Variants in CDKAL1 observed in about 807,000 individuals in gnomAD.
The protein encoded by CDKAL1 is CDKAL1 threonylcarbamoyladenosine tRNA methylthiotransferase, also known as threonylcarbamoyladenosine tRNA methylthiotransferase.
In CDKAL1, 32 loss-of-function variants were observed where a neutral mutation model predicts 68.2. The ratio of observed to expected loss-of-function variants is 0.47; its 90% CI spans 0.35 to 0.63. The LOEUF (loss-of-function observed/expected upper bound fraction) is 0.63, where lower values mean the gene tolerates loss of function less well. CDKAL1 is among the 30% of genes least tolerant of loss of function. The pLI, the probability that CDKAL1 is intolerant of heterozygous loss-of-function variation, is 0.00. For synonymous variants in CDKAL1, 234 were observed against 244.3 expected (o/e 0.96, Z 0.39); for missense variants, 606 against 696.7 (o/e 0.87, Z 1.47).
In CDKAL1 at chr6:21,164,677, A is replaced by T. The variant is rs549111772; in HGVS notation, c.1300-33344A>T. Among the ~76,000 whole-genome samples the T allele has an allele frequency of 2.0e-5, 3 of 152,284 alleles. No individual in the cohort carries two copies. The East Asian group carries it at 5.8e-4, about 29-fold the overall frequency. On this transcript the variant is annotated intron_variant, in intron 13 of 15. Coordinates refer to ENST00000274695, the MANE Select transcript of CDKAL1 (RefSeq NM_017774.3). ...GACTCAAAAATTCTCAGCATCAAAG[A>T]TGAGGTCAGAATGCCCCCTCATCTT...
intron 7 of CDKAL1, among the ~76,000 whole-genome samples, chr6:20,768,499 A>C (rs1406242873): frequency 6.6e-6 from 1 of 152,114 alleles, no homozygotes; most frequent in South Asian, 2.1e-4. Context: ...CCTCCTTCTT[A>C]CAAAATGAAG....
rs181658597 is a variant in CDKAL1, at chr6:21,074,913, G to A, written c.1236+9685G>A. 4.6e-5 allele frequency among the ~76,000 whole-genome samples: 7 copies of A among 151,904 alleles called. No individual in the cohort carries two copies. The East Asian group carries it at 1.2e-3, about 25-fold the overall frequency. On this transcript the variant is annotated intron_variant, in intron 12 of 15. Transcript: ENST00000274695. The stretch of plus-strand genomic sequence containing the variant: ...AGGTTTTAGTGCACCCATCATGTGA[G>A]TAGTGTACATTGTACCCAAAATGTA...
At chr6:20,617,816 A>G (rs891301013) in intron 4 of CDKAL1, among the ~76,000 whole-genome samples, 6 of 152,194 alleles carry the variant, frequency 3.9e-5, no homozygotes, top group African/African-American at 1.2e-4. Flanking sequence ...CTGGTCTATC[A>G]TTGAAGGACA....
intron 6 of CDKAL1, among the ~76,000 whole-genome samples, chr6:20,742,266 T>C (rs1209373250): frequency 6.6e-6 from 1 of 152,224 alleles, no homozygotes; most frequent in Non-Finnish European, 1.5e-5. Context: ...ACATTGTCTG[T>C]TTACTCTGTT....
intron 11 of CDKAL1, among the ~76,000 whole-genome samples, chr6:21,012,475 G>A (rs958444398): frequency 3.3e-5 from 5 of 152,118 alleles, no homozygotes; most frequent in African/African-American, 4.8e-5. Flanking sequence ...GGAAGTCCAG[G>A]TGTGGCTTTC....
intron 4 of CDKAL1, among the ~76,000 whole-genome samples, chr6:20,577,869 G>T (rs756315093): frequency 6.6e-6 from 1 of 152,156 alleles, no homozygotes; most frequent in African/African-American, 2.4e-5. Context: ...TAGTATCATG[G>T]TATAAGCAGA....
intron 13 of CDKAL1, among the ~76,000 whole-genome samples, chr6:21,117,713 C>T (rs987929666): frequency 6.6e-5 from 10 of 152,112 alleles, no homozygotes; most frequent in Admixed American, 1.3e-4. Context: ...ACCCTAGTTG[C>T]GTGAGCATTA....
chr6:20,824,905 T>C (rs1214662189), intron 8 of CDKAL1, among the ~76,000 whole-genome samples: 1 of 152,206 alleles, frequency 6.6e-6, no homozygotes, highest in Non-Finnish European at 1.5e-5. Context: ...AATTCTTGAC[T>C]GTTAAAATGG....
At chr6:20,956,556 TC>T (rs1255479653) in intron 10 of CDKAL1, among the ~76,000 whole-genome samples, 1 of 152,246 alleles carries the variant, frequency 6.6e-6, no homozygotes, top group Non-Finnish European at 1.5e-5. Context: ...TTTATTTTTT[TC>T]AAGTGTGTTC....
chr6:20,638,675 G>C (rs906859660), intron 4 of CDKAL1, among the ~76,000 whole-genome samples: 1 of 150,054 alleles, frequency 6.7e-6, no homozygotes, highest in Non-Finnish European at 1.5e-5. Flanking sequence ...GCAGTGGCGC[G>C]ATCTCAGCTC....
At chr6:21,103,615 G>T (rs1208906201) in intron 12 of CDKAL1, among the ~76,000 whole-genome samples, 3 of 152,090 alleles carry the variant, frequency 2.0e-5, no homozygotes, top group Non-Finnish European at 4.4e-5. Flanking sequence ...AAAAATGCAG[G>T]ACGCAGCATG....
chr6:20,907,143 G>C (rs1209430122), intron 9 of CDKAL1, among the ~76,000 whole-genome samples: 1 of 152,186 alleles, frequency 6.6e-6, no homozygotes, highest in African/African-American at 2.4e-5. Context: ...AAGTTCTGAA[G>C]ATTGATGGTT....
intron 13 of CDKAL1, among the ~76,000 whole-genome samples, chr6:21,185,659 G>A (rs555468918): frequency 6.6e-6 from 1 of 152,238 alleles, no homozygotes; most frequent in East Asian, 1.9e-4. Context: ...GTGCCTGTGT[G>A]TGCACATAGC....
chr6:20,602,116 A>G (rs1373848051), intron 4 of CDKAL1, among the ~76,000 whole-genome samples: 1 of 152,200 alleles, frequency 6.6e-6, no homozygotes, highest in Non-Finnish European at 1.5e-5. Context: ...TCTGAGGTAG[A>G]TAGCAGTATT....
chr6:20,657,796 A>C (rs1313808006), intron 5 of CDKAL1, among the ~76,000 whole-genome samples: 1 of 152,172 alleles, frequency 6.6e-6, no homozygotes, highest in African/African-American at 2.4e-5. Context: ...GCAAAAATAG[A>C]GATAAGAGTG....
At chr6:20,553,829 C>A (rs1561921063) in intron 4 of CDKAL1, among the ~76,000 whole-genome samples, 1 of 149,888 alleles carries the variant, frequency 6.7e-6, no homozygotes, top group Non-Finnish European at 1.5e-5. Flanking sequence ...CCAGACTGGT[C>A]TCTAACTCCT....
chr6:21,115,999 A>G (rs1193167235), intron 13 of CDKAL1, among the ~76,000 whole-genome samples: 1 of 152,162 alleles, frequency 6.6e-6, no homozygotes, highest in Non-Finnish European at 1.5e-5. Flanking sequence ...TGCCAACCTA[A>G]TCCAAAGGCA....
chr6:21,068,040 C>T (rs899973669), intron 12 of CDKAL1, among the ~76,000 whole-genome samples: 17 of 87,918 alleles, frequency 1.9e-4, no homozygotes, highest in Non-Finnish European at 3.3e-4. Context: ...GCCCATCTAC[C>T]TGTTGGTTTA....
At chr6:20,626,908 A>G (rs1421453860) in intron 4 of CDKAL1, among the ~76,000 whole-genome samples, 1 of 152,156 alleles carries the variant, frequency 6.6e-6, no homozygotes, top group Non-Finnish European at 1.5e-5. Context: ...AGACTGTTTC[A>G]CATGGCCACC....
Sources: gnomAD v4.1 joint callset for allele counts (sites outside exome capture counted in the v4.1 genomes callset) on GRCh38, gnomAD v4.1.1 for gene constraint, MANE v1.5 for transcripts, NCBI Gene and HGNC (gene_info 2026-07-23, HGNC 2026-07-21) for gene names.